Variants in RREB1 observed in about 807,000 individuals in gnomAD.
The protein encoded by RREB1 is ras-responsive element-binding protein 1.
RREB1 carries 27 observed loss-of-function variants against 117.8 expected under a neutral mutation model. The observed-to-expected ratio is 0.23, with a 90% CI of 0.17 to 0.32. The LOEUF is 0.32. RREB1 is among the 10% of genes least tolerant of loss of function. The probability of loss-of-function intolerance (pLI) is 1.00; values close to 1 mark genes in which losing one functional copy is unlikely to be tolerated. For synonymous variants in RREB1, 1,298 were observed against 1,026.7 expected, an observed-to-expected ratio of 1.26 and a Z score of -5.05; for missense variants, 2,577 against 2,378.2, an observed-to-expected ratio of 1.08 and a Z score of -1.74.
rs186015986 is a variant in RREB1 at position 7,160,031 on chromosome 6, A to C, written c.-284-16624A>C. Among the ~76,000 whole-genome samples, 26 of 152,002 alleles carry C rather than the reference A, an allele frequency of 1.7e-4. No homozygotes were observed. The East Asian group carries it at 4.8e-3, about 28-fold the overall frequency. ...AGAGAAACAATGCCTACTGTGTGCCAGGCACTGAGCTACAGACTAAAGATA... is the reference window on the plus strand; with the variant it reads ...AGAGAAACAATGCCTACTGTGTGCCCGGCACTGAGCTACAGACTAAAGATA... On this transcript the variant is annotated intron_variant, in intron 1 of 12. Coordinates refer to ENST00000379938, the MANE Select transcript of RREB1 (RefSeq NM_001003699.4).
chr6:7,223,257 T>TAAAAAA lies in RREB1; in HGVS notation c.708-3193_708-3188dup, dbSNP rs59558597. 1.5e-3 allele frequency among the ~76,000 whole-genome samples: 149 copies of TAAAAAA among 97,266 alleles called. 2 individuals are homozygous for TAAAAAA. The highest frequency in any genetic ancestry group is 5.1e-3 in the African/African-American group (126 of 24,758). 63.8% of individuals were successfully genotyped at this position (97,266 alleles called of 152,430 possible). A position where few individuals can be genotyped will look rare whatever the true frequency, so the allele number is the denominator to read the frequency against. ...GGGCGACAGAGCAAGACTCTCTTTTTAAAAAAAAAAAAAAAAAAAAAAGGC... is the reference window on the plus strand; with the variant it reads ...GGGCGACAGAGCAAGACTCTCTTTTTAAAAAAAAAAAAAAAAAAAAAAAAAAAAGGC... On this transcript the variant is annotated intron_variant, in intron 8 of 12. Coordinates refer to ENST00000379938, the MANE Select transcript of RREB1 (RefSeq NM_001003699.4).
rs755927594 is a variant in RREB1, at chr6:7,229,483, G to A, written c.1384G>A (p.Glu462Lys). Residue 462 changes from glutamate (E) to lysine (K), a missense_variant, in exon 10 of 13, where the codon GAG (glutamate) becomes AAG (lysine). Glu to Lys is a moderately conservative substitution (Grantham distance 56). Coordinates refer to ENST00000379938, the MANE Select transcript of RREB1 (RefSeq NM_001003699.4). The surrounding 1 kb of genome is among the most constrained non-coding windows in gnomAD (Gnocchi z 4.5). ...SSIVVKPISGESAIELADIQQ... is the reference protein window; with the variant it reads ...SSIVVKPISGKSAIELADIQQ... ...CATTGTGGTCAAGCCCATCTCTGGC[G>A]AGTCGGCCATCGAGCTGGCAGACAT... 30 of 1,614,012 alleles carry A rather than the reference G, an allele frequency of 1.9e-5. No individual in the cohort carries two copies. The highest frequency in any genetic ancestry group is 2.2e-5 in the Non-Finnish European group (26 of 1,180,036).
In RREB1 at chr6:7,141,237, G is replaced by C. The variant is rs1762567769; in HGVS notation, c.-285+33177G>C. Among the ~76,000 whole-genome samples, 5 of 152,036 alleles carry C rather than the reference G, an allele frequency of 3.3e-5. 1 individual carries two copies. The South Asian group carries it at 1.0e-3, about 31-fold the overall frequency. ...TTGGCTGGCGGGCTGGCGGGGGCCG[G>C]GCGGGGCGGGGCTCGGTGTTCGTTC... On this transcript the variant is annotated intron_variant, in intron 1 of 12. Coordinates refer to ENST00000379938, the MANE Select transcript of RREB1 (RefSeq NM_001003699.4).
At chr6:7,245,439 A>G (rs190258020) in intron 11 of RREB1, among the ~76,000 whole-genome samples, 2 of 152,328 alleles carry the variant, frequency 1.3e-5, no homozygotes, top group Admixed American at 6.5e-5. Context: ...CTGCAGCTAA[A>G]TAATAGGTCC....
rs542124010 is a variant in RREB1, at chr6:7,109,191, C to T, written c.-285+1131C>T. 4.5e-4 allele frequency among the ~76,000 whole-genome samples: 69 copies of T among 152,036 alleles called. 1 individual carries two copies. Among genetic ancestry groups the T allele is most frequent in the African/African-American group, 1.5e-3 (61 of 41,480 alleles). ...GTTTTTCACGAGTTCTGGGGCTTCC[C>T]TTCCTCCTCCCATCCCGGCCCCCGG... is the stretch of plus-strand genomic sequence containing the variant. On this transcript the variant is annotated intron_variant, in intron 1 of 12. Transcript: ENST00000379938.
rs748805448 is a variant in RREB1 at position 7,229,324 on chromosome 6, C to G, written c.1225C>G (p.Leu409Val). The G allele has an allele frequency of 6.2e-7, 1 of 1,614,094 alleles. No individual in the cohort carries two copies. The highest frequency in any genetic ancestry group is 1.3e-5 in the African/African-American group (1 of 74,936). ...QLPQDPGCTN[L>V]LSLSPFEAAS... is the part of the protein sequence containing the mutation. ...ACCTCAGGACCCCGGCTGCACCAAC[C>G]TGCTGAGCCTGTCACCTTTCGAAGC... The change falls in exon 10 of 13, where the codon CTG becomes GTG. Residue 409 changes from leucine (L) to valine (V), a missense_variant. Physicochemically the swap from Leu to Val is conservative, Grantham distance 32. Coordinates refer to ENST00000379938, the MANE Select transcript of RREB1 (RefSeq NM_001003699.4). This position sits in a 1 kb window ranked among gnomAD's most constrained non-coding sequence, Gnocchi z 4.5.
intron 8 of RREB1, among the ~76,000 whole-genome samples, chr6:7,226,150 G>A (rs1767573760): frequency 6.6e-6 from 1 of 152,180 alleles, no homozygotes; most frequent in Non-Finnish European, 1.5e-5. Flanking sequence ...AGGCGAGAGC[G>A]AGCAGGTCGG....
chr6:7,180,781 G>A (rs564855136), intron 2 of RREB1, among the ~76,000 whole-genome samples: 5 of 152,330 alleles, frequency 3.3e-5, no homozygotes, highest in African/African-American at 4.8e-5. Flanking sequence ...GGCGTGAGAC[G>A]GGTCAAGTGG....
Position 7,231,336 on chromosome 6 carries a change from C to T in RREB1, c.3237C>T (p.Pro1079=), listed in dbSNP as rs771863352. The T allele has an allele frequency of 5.0e-6, 8 of 1,611,680 alleles. No homozygotes were observed. In the East Asian group the frequency reaches 1.6e-4, roughly 31 times the overall value. The change falls in exon 10 of 13, where the codon CCC becomes CCT. Residue 1079 remains proline, a synonymous_variant. Coordinates refer to ENST00000379938, the MANE Select transcript of RREB1 (RefSeq NM_001003699.4). ...TCATCTCATCTGTATCCTCGGCCCC[C>T]ACCCTGCTGAAAACCAAGGTGGCGG... ...AQIISSVSSA[P]TLLKTKVADP...
Position 7,230,625 on chromosome 6 carries a change from G to A in RREB1, c.2526G>A (p.Ser842=), listed in dbSNP as rs1323258048. 2.5e-6 allele frequency: 4 copies of A among 1,603,750 alleles called. No homozygotes were observed. The highest frequency in any genetic ancestry group is 1.3e-5 in the African/African-American group (1 of 74,710). Residue 842 remains serine (S), a synonymous_variant, in exon 10 of 13, where the codon TCG becomes TCA. Transcript: ENST00000379938. The part of the protein sequence containing the change: ...GPAEAPAAEA[S]GRGEDSGCAA... Reference sequence around the variant, plus strand: ...CAGAGGCGCCGGCCGCTGAGGCGTCGGGGCGCGGGGAGGACAGTGGCTGCG... The same window carrying A: ...CAGAGGCGCCGGCCGCTGAGGCGTCAGGGCGCGGGGAGGACAGTGGCTGCG...
chr6:7,141,650 G>A (rs1762597895), intron 1 of RREB1, among the ~76,000 whole-genome samples: 1 of 152,230 alleles, frequency 6.6e-6, no homozygotes, highest in Non-Finnish European at 1.5e-5. Context: ...ATGTAGCAGG[G>A]TATTTCATGA....
chr6:7,119,318 C>G (rs1206819423), intron 1 of RREB1, among the ~76,000 whole-genome samples: 1 of 152,060 alleles, frequency 6.6e-6, no homozygotes, highest in East Asian at 1.9e-4. Flanking sequence ...CTACTGCGTT[C>G]CAGCTCGGGT....
intron 1 of RREB1, among the ~76,000 whole-genome samples, chr6:7,145,270 C>T (rs1762806853): frequency 6.6e-6 from 1 of 152,186 alleles, no homozygotes; most frequent in Non-Finnish European, 1.5e-5. Context: ...TTGGTTTTGA[C>T]CTGGACCTTT....
chr6:7,108,508 C>G (rs1256240121), intron 1 of RREB1: 1 of 152,122 alleles, frequency 6.6e-6, no homozygotes, highest in African/African-American at 2.4e-5. Context: ...TAACCAGCAC[C>G]GCCGGGACTC....
At chr6:7,183,235 C>T (rs1033139142) in intron 4 of RREB1, 2 of 152,250 alleles carry the variant, frequency 1.3e-5, no homozygotes, top group Non-Finnish European at 2.9e-5. Flanking sequence ...CCTTGTGCCT[C>T]TCTTCCTGTG....
intron 6 of RREB1, among the ~76,000 whole-genome samples, chr6:7,201,708 G>A (rs148610164): frequency 3.7e-4 from 56 of 152,230 alleles, no homozygotes; most frequent in African/African-American, 1.2e-3. Context: ...TCCTTAAACC[G>A]GAGATTCAGT....
chr6:7,126,013 T>TTGTTTGTC (rs1761893401), intron 1 of RREB1, among the ~76,000 whole-genome samples: 1 of 151,946 alleles, frequency 6.6e-6, no homozygotes. Flanking sequence ...GTTTGTTTGT[T>TTGTTTGTC]TGTTTTGAGA....
Position 7,229,291 on chromosome 6 carries a change from T to C in RREB1, c.1192T>C (p.Cys398Arg). The C allele has an allele frequency of 6.2e-7, 1 of 1,614,156 alleles. No homozygotes were observed. The highest frequency in any genetic ancestry group is 8.5e-7 in the Non-Finnish European group (1 of 1,180,016). The change falls in exon 10 of 13, where the codon TGT becomes CGT. Residue 398 changes from cysteine (C) to arginine (R), a missense_variant. By Grantham distance (180) the Cys-to-Arg change is radical (BLOSUM62 -3). Coordinates refer to ENST00000379938, the MANE Select transcript of RREB1 (RefSeq NM_001003699.4). This position sits in a 1 kb window ranked among gnomAD's most constrained non-coding sequence, Gnocchi z 4.5. ...NQAIQLQTLK[C>R]QLPQDPGCTN... ...GGCAATTCAGCTCCAGACACTCAAG[T>C]GTCAGCTACCTCAGGACCCCGGCTG...
At chr6:7,112,489 A>G (rs9505039) in intron 1 of RREB1, among the ~76,000 whole-genome samples, 3,654 of 152,210 alleles carry the variant, frequency 0.024, 139 homozygotes, top group African/African-American at 0.081. Flanking sequence ...CCTGATTTAG[A>G]CAGTGATTTT....
Sources: allele counts gnomAD v4.1 joint callset (sites outside exome capture counted in the v4.1 genomes callset), GRCh38; gene constraint gnomAD v4.1.1; non-coding constraint Gnocchi (gnomAD v3.1); transcripts MANE v1.5; gene names NCBI Gene and HGNC (gene_info 2026-07-23, HGNC 2026-07-21).